ASPRV1: variants seen among roughly 807,000 people sequenced by gnomAD.
ASPRV1 encodes retroviral-like aspartic protease 1.
A neutral mutation model predicts 11.0 loss-of-function variants in ASPRV1; 7 were observed. That is an observed-to-expected ratio of 0.64 (90% CI 0.36 to 1.20). The LOEUF is 1.20. ASPRV1 is among the 50% of genes most tolerant of loss of function. ASPRV1 has a pLI of 0.02. For synonymous variants in ASPRV1, 136 were observed against 138.4 expected (o/e 0.98, Z 0.12); for missense variants, 299 against 320.0 (o/e 0.93, Z 0.50).
the ASPRV1 span, among the ~76,000 whole-genome samples, chr2:70,039,461 T>G: frequency 2.0e-5 from 3 of 152,198 alleles, no homozygotes; most frequent in Admixed American, 2.0e-4. Context: ...AATGACATTT[T>G]CAGCCAAAAC....
the ASPRV1 span, among the ~76,000 whole-genome samples, chr2:70,025,125 G>C: frequency 5.3e-5 from 8 of 152,150 alleles, no homozygotes; most frequent in African/African-American, 1.7e-4. Context: ...ATAACCACTT[G>C]TATTATCTCA....
At chr2:70,075,428 T>A in the ASPRV1 span, among the ~76,000 whole-genome samples, 4 of 151,590 alleles carry the variant, frequency 2.6e-5, no homozygotes, top group African/African-American at 9.7e-5. Flanking sequence ...ACTTATTAAC[T>A]GTGCAACTTG....
At chr2:70,015,550 G>A in the ASPRV1 span, 4 of 152,130 alleles carry the variant, frequency 2.6e-5, no homozygotes, top group African/African-American at 9.7e-5. Context: ...ACACACAGAG[G>A]TACTGGAAGC....
the ASPRV1 span, chr2:70,080,893 A>G: frequency 1.3e-5 from 2 of 152,162 alleles, no homozygotes; most frequent in Non-Finnish European, 2.9e-5. Context: ...TCCACTTTGC[A>G]GTCTGCTAGT....
At chr2:70,063,620 A>C in the ASPRV1 span, among the ~76,000 whole-genome samples, 1 of 152,234 alleles carries the variant, frequency 6.6e-6, no homozygotes, top group Non-Finnish European at 1.5e-5. Context: ...CATATTTAAA[A>C]GAATGGATAG....
chr2:69,949,960 C>T, the ASPRV1 span, among the ~76,000 whole-genome samples: 5 of 152,074 alleles, frequency 3.3e-5, no homozygotes, highest in African/African-American at 4.8e-5. Context: ...GGATTACAGG[C>T]GTCTGCCACC....
chr2:70,064,201 T>C, the ASPRV1 span, among the ~76,000 whole-genome samples: 1 of 152,088 alleles, frequency 6.6e-6, no homozygotes, highest in Non-Finnish European at 1.5e-5. Context: ...ATGGACGAAA[T>C]AGGAAGAATG....
chr2:69,953,533 G>T, the ASPRV1 span, among the ~76,000 whole-genome samples: 2 of 152,192 alleles, frequency 1.3e-5, no homozygotes, highest in Non-Finnish European at 2.9e-5. Context: ...GACTGCGACT[G>T]GGCAGTTACG....
At chr2:69,988,491 C>T in the ASPRV1 span, 1 of 306,050 alleles carries the variant, frequency 3.3e-6, no homozygotes, top group Non-Finnish European at 6.5e-6. Flanking sequence ...GAAAGTACAG[C>T]GGTGGTTGCA....
At chr2:70,042,757 C>A in the ASPRV1 span, among the ~76,000 whole-genome samples, 1 of 152,078 alleles carries the variant, frequency 6.6e-6, no homozygotes, top group African/African-American at 2.4e-5. Flanking sequence ...TCAAGTAGTG[C>A]TGATTCCATT....
chr2:70,057,270 A>G, the ASPRV1 span, among the ~76,000 whole-genome samples: 2 of 152,000 alleles, frequency 1.3e-5, no homozygotes, highest in East Asian at 1.9e-4. Context: ...AGAAAAAGAA[A>G]ATTTTCAGAA....
chr2:69,991,881 C>T, the ASPRV1 span, among the ~76,000 whole-genome samples: 2 of 152,180 alleles, frequency 1.3e-5, no homozygotes, highest in African/African-American at 4.8e-5. Context: ...ACACATTGCT[C>T]AGCAAGTTTC....
the ASPRV1 span, among the ~76,000 whole-genome samples, chr2:70,084,583 G>A: frequency 6.6e-6 from 1 of 152,098 alleles, no homozygotes; most frequent in Admixed American, 6.5e-5. Flanking sequence ...GTGTATAAGC[G>A]GTCACAACTT....
the ASPRV1 span, among the ~76,000 whole-genome samples, chr2:70,052,648 T>C: frequency 2.0e-5 from 3 of 152,298 alleles, no homozygotes; most frequent in East Asian, 3.9e-4. Context: ...TCTCTAATCC[T>C]TTCTCTCTTC....
At chr2:69,998,639 G>C in the ASPRV1 span, among the ~76,000 whole-genome samples, 1 of 151,782 alleles carries the variant, frequency 6.6e-6, no homozygotes, top group South Asian at 2.1e-4. Flanking sequence ...TGAGGCAGGA[G>C]AATGGCGTGA....
the ASPRV1 span, among the ~76,000 whole-genome samples, chr2:69,945,362 A>C: frequency 2.6e-5 from 4 of 152,262 alleles, no homozygotes; most frequent in Non-Finnish European, 5.9e-5. Flanking sequence ...TCCAGTGGCC[A>C]AGGGTCCCAC....
chr2:69,937,214 A>G, the ASPRV1 span: 1 of 1,611,884 alleles, frequency 6.2e-7, no homozygotes, highest in Non-Finnish European at 8.5e-7. Context: ...GGGGCCCAAC[A>G]ACTACCCCTT....
the ASPRV1 span, among the ~76,000 whole-genome samples, chr2:70,017,717 G>A: frequency 6.6e-6 from 1 of 152,050 alleles, no homozygotes; most frequent in Non-Finnish European, 1.5e-5. Flanking sequence ...GCATTTGCTT[G>A]TCTGTTAGTA....
At chr2:70,039,089 A>C in the ASPRV1 span, among the ~76,000 whole-genome samples, 1 of 152,132 alleles carries the variant, frequency 6.6e-6, no homozygotes, top group African/African-American at 2.4e-5. Flanking sequence ...CAAAAAAAAA[A>C]AAAAAACAAA....
Sources: gnomAD v4.1 joint callset for allele counts (sites outside exome capture counted in the v4.1 genomes callset) on GRCh38, gnomAD v4.1.1 for gene constraint, MANE v1.5 for transcripts, NCBI Gene and HGNC (gene_info 2026-07-23, HGNC 2026-07-21) for gene names.